PLAC1: variants seen among roughly 807,000 people sequenced by gnomAD.
PLAC1 encodes the protein placenta associated 1, also known as placenta-specific protein 1.
For synonymous variants in PLAC1, 68 were observed against 62.1 expected, an observed-to-expected ratio of 1.09 and a Z score of -0.44; for missense variants, 136 against 163.2, an observed-to-expected ratio of 0.83 and a Z score of 0.91.
chrX:134,669,451 T>C (rs1380470798), intron 2 of PLAC1, among the ~76,000 whole-genome samples: 3 of 112,362 alleles, frequency 2.7e-5, no homozygotes, highest in African/African-American at 9.7e-5. Flanking sequence ...GACTTGCGCA[T>C]TGTAAGCTGG....
intron 1 of PLAC1, among the ~76,000 whole-genome samples, chrX:134,763,558 C>A (rs990651703): frequency 9.0e-6 from 1 of 111,287 alleles, no homozygotes; most frequent in Non-Finnish European, 1.9e-5. Context: ...CGATAGCTCA[C>A]GCCTATAATC....
At chrX:134,622,157 T>C (rs1302251017) in intron 1 of PLAC1, among the ~76,000 whole-genome samples, 1 of 111,860 alleles carries the variant, frequency 8.9e-6, no homozygotes, top group Non-Finnish European at 1.9e-5. Context: ...GTGCAAATGC[T>C]GGCCAGACCA....
At chrX:134,727,249 A>G (rs2078677349) in intron 2 of PLAC1, among the ~76,000 whole-genome samples, 1 of 111,800 alleles carries the variant, frequency 8.9e-6, no homozygotes, top group Admixed American at 9.5e-5. Flanking sequence ...ATGGATTTCC[A>G]TTCTCCTTCT....
At chrX:134,650,999 G>T in intron 1 of PLAC1, 1 of 245,081 alleles carries the variant, frequency 4.1e-6, no homozygotes, top group South Asian at 6.1e-5. Context: ...GTGGTAGTCA[G>T]AAAGCTATCA....
At chrX:134,624,961 C>A (rs1342984399) in intron 1 of PLAC1, among the ~76,000 whole-genome samples, 1 of 110,025 alleles carries the variant, frequency 9.1e-6, no homozygotes, top group Non-Finnish European at 1.9e-5. Flanking sequence ...TAGGAGAAAC[C>A]TTATTAAGTA....
chrX:134,577,170 G>C (rs780218854), intron 2 of PLAC1, among the ~76,000 whole-genome samples: 4 of 112,322 alleles, frequency 3.6e-5, no homozygotes, highest in Non-Finnish European at 7.5e-5. Context: ...CCAGTTAAAA[G>C]TGGTATTGGT....
intron 1 of PLAC1, among the ~76,000 whole-genome samples, chrX:134,748,139 G>A (rs2078733216): frequency 1.8e-5 from 2 of 110,946 alleles, no homozygotes; most frequent in South Asian, 3.8e-4. Context: ...AGACCAGCCC[G>A]GCCAACATGG....
intron 2 of PLAC1, among the ~76,000 whole-genome samples, chrX:134,697,666 G>A (rs149915076): frequency 0.03 from 3,346 of 111,389 alleles, 68 homozygotes; most frequent in Non-Finnish European, 0.047. Context: ...TCAGGAGTTC[G>A]AGACCAGCCT....
At chrX:134,671,603 G>C (rs1010056448) in intron 2 of PLAC1, among the ~76,000 whole-genome samples, 2 of 109,963 alleles carry the variant, frequency 1.8e-5, no homozygotes, top group Non-Finnish European at 3.8e-5. Context: ...GAGAGAGAGA[G>C]AGAGAGAGAG....
intron 1 of PLAC1, among the ~76,000 whole-genome samples, chrX:134,618,695 C>T (rs1050700426): frequency 1.8e-5 from 2 of 112,001 alleles, no homozygotes; most frequent in African/African-American, 6.5e-5. Context: ...TGATTACAGG[C>T]GTGAGCCACC....
chrX:134,616,783 C>CT (rs1286779051), intron 1 of PLAC1, among the ~76,000 whole-genome samples: 28 of 102,958 alleles, frequency 2.7e-4, no homozygotes, highest in Admixed American at 3.1e-4. Flanking sequence ...CTGAATATCA[C>CT]TTTTTTTTTT....
intron 1 of PLAC1, among the ~76,000 whole-genome samples, chrX:134,631,799 C>T (rs1359013235): frequency 2.7e-5 from 3 of 112,073 alleles, no homozygotes; most frequent in Admixed American, 1.9e-4. Context: ...TTCATGCCCC[C>T]CAAAACGGGC....
chrX:134,744,049 C>T (rs1162875006), intron 1 of PLAC1, among the ~76,000 whole-genome samples: 2 of 111,493 alleles, frequency 1.8e-5, no homozygotes, highest in East Asian at 2.8e-4. Context: ...TTTGGGAGGC[C>T]GAGGCGGGTG....
In PLAC1 at chrX:134,605,040, T is replaced by TCC. The variant is rs755325899; in HGVS notation, c.-130-2919_-130-2918insGG. ...TACTTTAGAGGCCAGATTGTGTTTT[T>TCC]TAAAACCTACTTGGAAAGCATTTGT... On this transcript the variant is annotated intron_variant, in intron 1 of 2. Coordinates refer to ENST00000359237, the MANE Select transcript of PLAC1 (RefSeq NM_021796.4). Among the ~76,000 whole-genome samples the TCC allele has an allele frequency of 3.7e-3, 416 of 111,471 alleles. 4 individuals carry two copies. The highest frequency in any genetic ancestry group is 0.013 in the African/African-American group (394 of 30,661).
At chrX:134,608,428 C>CA (rs2078133484) in intron 1 of PLAC1, among the ~76,000 whole-genome samples, 1 of 111,881 alleles carries the variant, frequency 8.9e-6, no homozygotes, top group East Asian at 2.8e-4. Context: ...CAGCCAGACA[C>CA]AAAAAGACTG....
intron 1 of PLAC1, among the ~76,000 whole-genome samples, chrX:134,609,419 G>GC (rs758202746): frequency 8.9e-6 from 1 of 112,198 alleles, no homozygotes; most frequent in South Asian, 3.7e-4. Context: ...TTAGAAGAGT[G>GC]CCTGGCACAT....
intron 1 of PLAC1, among the ~76,000 whole-genome samples, chrX:134,655,967 A>C (rs1335246876): frequency 9.0e-6 from 1 of 111,395 alleles, no homozygotes; most frequent in Non-Finnish European, 1.9e-5. Flanking sequence ...TTGCCCTTTG[A>C]CATGCCTAAT....
intron 1 of PLAC1, among the ~76,000 whole-genome samples, chrX:134,733,982 CTT>C (rs1410696423): frequency 8.9e-6 from 1 of 111,918 alleles, no homozygotes; most frequent in African/African-American, 3.2e-5. Flanking sequence ...GAATAAATCT[CTT>C]GTCTTCAAAG....
At chrX:134,605,093 C>A (rs1171807010) in intron 1 of PLAC1, among the ~76,000 whole-genome samples, 1 of 111,661 alleles carries the variant, frequency 9.0e-6, no homozygotes, top group Admixed American at 9.5e-5. Flanking sequence ...CCCCTCCTAT[C>A]AGTGCTCCCT....
Sources: gnomAD v4.1 joint callset for allele counts (sites outside exome capture counted in the v4.1 genomes callset) on GRCh38, gnomAD v4.1.1 for gene constraint, MANE v1.5 for transcripts, NCBI Gene and HGNC (gene_info 2026-07-23, HGNC 2026-07-21) for gene names.